SEC23IP: variants seen among roughly 807,000 people sequenced by gnomAD.
SEC23IP encodes the protein SEC23-interacting protein.
In SEC23IP, 70 loss-of-function variants were observed where a neutral mutation model predicts 113.4. The observed-to-expected ratio is 0.62, with a 90% confidence interval of 0.51 to 0.75. The LOEUF (loss-of-function observed/expected upper bound fraction) is 0.75, where lower values mean the gene tolerates loss of function less well. Among genes scored for constraint, SEC23IP ranks in the 30% least tolerant of loss-of-function variants. The probability of loss-of-function intolerance (pLI) is 0.00; values close to 1 mark genes in which losing one functional copy is unlikely to be tolerated. For synonymous variants in SEC23IP, 398 were observed against 421.0 expected (o/e 0.95, Z 0.67); for missense variants, 1,160 against 1,204.9 (o/e 0.96, Z 0.55).
intron 11 of SEC23IP, 129 bp downstream of exon 11, chr10:119,919,725 GA>G: frequency 1.4e-6 from 1 of 696,362 alleles, no homozygotes; most frequent in East Asian, 3.1e-5. Flanking sequence ...TTAAAAAATT[GA>G]AAAACACAGA....
chr10:119,898,873 T>A lies in SEC23IP; in HGVS notation c.610T>A (p.Cys204Ser). 6.2e-7 allele frequency: 1 copy of A among 1,609,408 alleles called. No individual in the cohort carries two copies. The highest frequency in any genetic ancestry group is 8.5e-7 in the Non-Finnish European group (1 of 1,179,966). ...CATTGCACCACCCCAGCTGCAGCAGTGCCAAACACCAGGCCCTCCTGCTCA... is the reference window on the plus strand; with the variant it reads ...CATTGCACCACCCCAGCTGCAGCAGAGCCAAACACCAGGCCCTCCTGCTCA... ...PYIAPPQLQQ[C>S]QTPGPPAHPP... Residue 204 changes from cysteine to serine, a missense_variant, in exon 2 of 19, where the codon TGC (cysteine) becomes AGC (serine). Coordinates refer to ENST00000369075, the MANE Select transcript of SEC23IP (RefSeq NM_007190.4).
chr10:119,909,784 G>A (rs979685477), intron 5 of SEC23IP, among the ~76,000 whole-genome samples: 2 of 151,842 alleles, frequency 1.3e-5, no homozygotes, highest in African/African-American at 4.8e-5. Flanking sequence ...CTAGCTACTC[G>A]GGAGGCTGAG....
intron 14 of SEC23IP, 79 bp downstream of exon 14, chr10:119,929,841 G>T: frequency 1.1e-6 from 1 of 928,902 alleles, no homozygotes; most frequent in South Asian, 1.7e-5. Flanking sequence ...TAGAGATGGG[G>T]TCTTACTATG....
chr10:119,935,202 T>C (rs183649345), intron 18 of SEC23IP, among the ~76,000 whole-genome samples: 179 of 152,356 alleles, frequency 1.2e-3, no homozygotes, highest in Non-Finnish European at 2.2e-3. Context: ...GGCTCACGCC[T>C]GTAATCCCAG....
chr10:119,908,241 T>C (rs147248074), intron 4 of SEC23IP, among the ~76,000 whole-genome samples: 1 of 152,164 alleles, frequency 6.6e-6, no homozygotes, highest in Non-Finnish European at 1.5e-5. Flanking sequence ...CTGGGTGATA[T>C]TACTCCAGCC....
At chr10:119,916,129 A>G (rs1855045235) in intron 8 of SEC23IP, among the ~76,000 whole-genome samples, 1 of 152,316 alleles carries the variant, frequency 6.6e-6, no homozygotes, top group East Asian at 1.9e-4. Context: ...TTAAAATACA[A>G]TTTTAATCTG....
Position 119,929,710 on chromosome 10 carries a change from A to C in SEC23IP, c.2417A>C (p.Asp806Ala). 1 of 1,601,352 alleles carries C rather than the reference A, an allele frequency of 6.2e-7. No homozygotes were observed. The highest frequency in any genetic ancestry group is 8.6e-7 in the Non-Finnish European group (1 of 1,168,280). ...ACTATTCGAGGAGTTGATAGGATAG[A>C]TGAGAATTACAGCCTTCCTACCTGT... ...FLTIRGVDRIDENYSLPTCKG... is the reference protein window; with the variant it reads ...FLTIRGVDRIAENYSLPTCKG... Residue 806 changes from aspartate to alanine, a missense_variant, in exon 14 of 19, where the codon GAT becomes GCT. Asp to Ala is a moderately radical substitution (Grantham distance 126). Transcript: ENST00000369075.
Position 119,930,439 on chromosome 10 carries a change from G to T in SEC23IP, c.2572+8G>T. On this transcript the variant is annotated splice_region_variant and intron_variant, in intron 15 of 18. Transcript: ENST00000369075. ...GAAAAAGACTTCATTTAGGTAAAAA[G>T]CAAATACTATAAAAACTTTTTTTCC... The T allele has an allele frequency of 6.4e-7, 1 of 1,551,260 alleles. No homozygotes were observed. The highest frequency in any genetic ancestry group is 8.9e-7 in the Non-Finnish European group (1 of 1,129,624).
At position 119,894,892 on chromosome 10, in the gene SEC23IP, CTGTGTG is replaced by C. The variant is rs3065498; in HGVS notation, c.163+1986_163+1991del. On this transcript the variant is annotated intron_variant, in intron 1 of 18. Transcript: ENST00000369075. ...AATGCTTTTGTTTCTTGGAGACAGT[CTGTGTG>C]TGTGTGTGTGTGTGTGTGTGTGTGT... Among the ~76,000 whole-genome samples, 914 of 143,588 alleles carry C rather than the reference CTGTGTG, an allele frequency of 6.4e-3. 10 individuals are homozygous for C. The highest frequency in any genetic ancestry group is 0.017 in the South Asian group (69 of 4,156). 94.2% of individuals were successfully genotyped at this position (143,588 alleles called of 152,430 possible). A position where few individuals can be genotyped will look rare whatever the true frequency, so the allele number is the denominator to read the frequency against.
At chr10:119,901,023 C>CTTTT (rs34703745) in intron 2 of SEC23IP, among the ~76,000 whole-genome samples, 1 of 78,576 alleles carries the variant, frequency 1.3e-5, no homozygotes, top group African/African-American at 5.4e-5. Flanking sequence ...TTTTCTTCTT[C>CTTTT]TTTTTTTTTT....
In SEC23IP at chr10:119,943,427, C is replaced by T. The variant is rs947492331; in HGVS notation, c.*2862C>T. 1 of 152,114 alleles carries T rather than the reference C, an allele frequency of 6.6e-6. No homozygotes were observed. The highest frequency in any genetic ancestry group is 2.4e-5 in the African/African-American group (1 of 41,400). 9.4% of individuals were successfully genotyped at this position (152,114 alleles called of 1,614,324 possible). A position where few individuals can be genotyped will look rare whatever the true frequency, so the allele number is the denominator to read the frequency against. On this transcript the variant is annotated 3_prime_UTR_variant, in exon 19 of 19. Coordinates refer to ENST00000369075, the MANE Select transcript of SEC23IP (RefSeq NM_007190.4). ...CCTCAGGGGGTTAACCCCATCTCTA[C>T]TAAAAATAAAAAAAATTAGCTGGGC...
chr10:119,929,681 T>A lies in SEC23IP; in HGVS notation c.2388T>A (p.Phe796Leu). The change falls in exon 14 of 19, where the codon TTT becomes TTA. Residue 796 changes from phenylalanine (F) to leucine (L), a missense_variant. Coordinates refer to ENST00000369075, the MANE Select transcript of SEC23IP (RefSeq NM_007190.4). ...FFALGSPIAM[F>L]LTIRGVDRID... is the part of the protein sequence containing the mutation. ...CCTTGGGGTCTCCAATTGCTATGTT[T>A]CTCACTATTCGAGGAGTTGATAGGA... The A allele has an allele frequency of 6.2e-7, 1 of 1,604,722 alleles. No homozygotes were observed. Among genetic ancestry groups the A allele is most frequent in the Non-Finnish European group, 8.5e-7 (1 of 1,171,444 alleles).
chr10:119,923,252 C>T (rs1855307642), intron 12 of SEC23IP, among the ~76,000 whole-genome samples: 1 of 151,694 alleles, frequency 6.6e-6, no homozygotes, highest in Non-Finnish European at 1.5e-5. Context: ...AGGTAATTGC[C>T]TTTGGATGAA....
rs773848807 is a variant in SEC23IP at position 119,898,691 on chromosome 10, G to A, written c.428G>A (p.Gly143Asp). The stretch of plus-strand genomic sequence containing the variant: ...CCATCCATTTCGAAGGCTCAACCTG[G>A]TGCTCCACCTTCCTCACTGATGGGA... ...FSPSISKAQP[G>D]APPSSLMGIN... Residue 143 changes from glycine to aspartate, a missense_variant, in exon 2 of 19, where the codon GGT becomes GAT. Physicochemically the swap from Gly to Asp is moderately conservative, Grantham distance 94 (BLOSUM62 -1). Coordinates refer to ENST00000369075, the MANE Select transcript of SEC23IP (RefSeq NM_007190.4). 2.5e-6 allele frequency: 4 copies of A among 1,614,188 alleles called. No homozygotes were observed. In the South Asian group the frequency reaches 4.4e-5, roughly 18 times the overall value.
chr10:119,910,658 C>T (rs1175951301), intron 5 of SEC23IP, among the ~76,000 whole-genome samples: 3 of 151,976 alleles, frequency 2.0e-5, no homozygotes, highest in African/African-American at 4.8e-5. Context: ...CTCATTTCTC[C>T]TCTCCATAGT....
intron 1 of SEC23IP, among the ~76,000 whole-genome samples, chr10:119,897,260 A>T (rs117913510): frequency 0.018 from 2,709 of 152,358 alleles, 55 homozygotes; most frequent in Admixed American, 0.055. Context: ...TAGGGAACAT[A>T]AAAGTTTCGT....
rs1226644046 is a variant in SEC23IP, at chr10:119,944,422, T to C, written c.*3857T>C. ...AATTGCCCAGTCTCAGGTAGTACCT[T>C]GATAGCAGTGTGAAAATGGACTAAT... On this transcript the variant is annotated 3_prime_UTR_variant, in exon 19 of 19. Transcript: ENST00000369075. 2.0e-5 allele frequency: 3 copies of C among 152,210 alleles called. No homozygotes were observed. Among genetic ancestry groups the C allele is most frequent in the Non-Finnish European group, 4.4e-5 (3 of 68,114 alleles). The allele number at this position is 152,210 out of a possible 1,614,324, so 9.4% of individuals were successfully genotyped here.
chr10:119,912,970 A>G (rs1338592574), intron 6 of SEC23IP, among the ~76,000 whole-genome samples: 1 of 152,138 alleles, frequency 6.6e-6, no homozygotes. Context: ...TACACAATAA[A>G]TTATTGTTAA....
At chr10:119,911,821 G>A (rs1216287747) in intron 5 of SEC23IP, among the ~76,000 whole-genome samples, 1 of 152,060 alleles carries the variant, frequency 6.6e-6, no homozygotes, top group African/African-American at 2.4e-5. Flanking sequence ...TGATTTAATT[G>A]TATAATTTTC....
Sources: allele counts gnomAD v4.1 joint callset (sites outside exome capture counted in the v4.1 genomes callset), GRCh38; gene constraint gnomAD v4.1.1; transcripts MANE v1.5; gene names NCBI Gene and HGNC (gene_info 2026-07-23, HGNC 2026-07-21).